WIPI1: variants seen among roughly 807,000 people sequenced by gnomAD.
The protein encoded by WIPI1 is WD repeat domain, phosphoinositide interacting 1, also known as WD repeat domain phosphoinositide-interacting protein 1.
A neutral mutation model predicts 55.3 loss-of-function variants in WIPI1; 45 were observed. The ratio of observed to expected loss-of-function variants is 0.81; its 90% confidence interval spans 0.64 to 1.04. The LOEUF is 1.04. Ranked by LOEUF, WIPI1 falls within the 50% of genes least tolerant of loss-of-function variation. WIPI1 has a pLI of 0.00. For synonymous variants in WIPI1, 195 were observed against 217.6 expected (o/e 0.90, Z 0.92); for missense variants, 445 against 559.0 (o/e 0.80, Z 2.06).
At chr17:68,430,198 G>A (rs541056737) in intron 8 of WIPI1, 38 bp from the exon 9 acceptor site, 2 of 1,577,002 alleles carry the variant, frequency 1.3e-6, no homozygotes, top group South Asian at 1.2e-5. Context: ...GGACTGGGCT[G>A]CAGGCCCCAC....
At chr17:68,439,035 G>A (rs533141233) in intron 4 of WIPI1, among the ~76,000 whole-genome samples, 1 of 152,322 alleles carries the variant, frequency 6.6e-6, no homozygotes, top group East Asian at 1.9e-4. Context: ...ATGCACCGCT[G>A]GTGGGAATGT....
At chr17:68,450,593 C>T in intron 3 of WIPI1, 135 bp downstream of exon 3, 1 of 1,194,494 alleles carries the variant, frequency 8.4e-7, no homozygotes, top group Non-Finnish European at 1.2e-6. Context: ...ACCCCCGGGA[C>T]ACGGGGCCTG....
At position 68,450,291 on chromosome 17, in the gene WIPI1, C is replaced by A. The variant is rs142859411; in HGVS notation, c.333+437G>T. Among the ~76,000 whole-genome samples, 315 of 152,324 alleles carry A rather than the reference C, an allele frequency of 2.1e-3. 12 individuals are homozygous for A. In the East Asian group the frequency reaches 0.05, roughly 24 times the overall value. On this transcript the variant is annotated intron_variant, in intron 3 of 12. Coordinates refer to ENST00000262139, the MANE Select transcript of WIPI1 (RefSeq NM_017983.7). ...AGGGCAGCTTTCCTGACCCAGGGAG[C>A]CCCCACTTCACTCTCAGGCATCTCC...
At chr17:68,424,002 C>T (rs967081720) in intron 12 of WIPI1, among the ~76,000 whole-genome samples, 5 of 152,156 alleles carry the variant, frequency 3.3e-5, no homozygotes, top group Middle Eastern at 3.2e-3. Context: ...TTTGTCCCCA[C>T]GGTGTCTGAC....
intron 8 of WIPI1, among the ~76,000 whole-genome samples, chr17:68,431,046 G>A (rs139666185): frequency 1.9e-4 from 29 of 152,172 alleles, no homozygotes; most frequent in Admixed American, 3.3e-4. Context: ...TCTGTGATCC[G>A]AAGCATCCTG....
intron 4 of WIPI1, among the ~76,000 whole-genome samples, chr17:68,438,765 T>C (rs1401276531): frequency 3.9e-5 from 6 of 152,190 alleles, no homozygotes; most frequent in Non-Finnish European, 1.5e-5. Context: ...CACGCCCAGC[T>C]AATTTTTGTA....
chr17:68,433,772 T>TGTTG (rs2083638702), intron 7 of WIPI1, among the ~76,000 whole-genome samples, 197 bp from the exon 8 acceptor site: 1 of 20,022 alleles, frequency 5.0e-5, no homozygotes, highest in African/African-American at 1.3e-4. Flanking sequence ...TTTTTTTTTT[T>TGTTG]TTTTTTTTTT....
intron 12 of WIPI1, among the ~76,000 whole-genome samples, chr17:68,424,938 G>A (rs1324925452): frequency 6.6e-6 from 1 of 152,228 alleles, no homozygotes; most frequent in African/African-American, 2.4e-5. Flanking sequence ...GACTATCTGG[G>A]ATGTTTTGAC....
intron 6 of WIPI1, 84 bp downstream of exon 6, chr17:68,435,536 C>A: frequency 7.5e-7 from 1 of 1,335,578 alleles, no homozygotes; most frequent in Non-Finnish European, 1.1e-6. Flanking sequence ...CTTCATGTCA[C>A]CAGGTTTGTT....
At chr17:68,424,088 C>G (rs2082985836) in intron 12 of WIPI1, among the ~76,000 whole-genome samples, 1 of 152,130 alleles carries the variant, frequency 6.6e-6, no homozygotes, top group Non-Finnish European at 1.5e-5. Context: ...GAAGAACGCC[C>G]TTTAAGGCCA....
intron 7 of WIPI1, among the ~76,000 whole-genome samples, 197 bp from the exon 8 acceptor site, chr17:68,433,772 T>G (rs1011135471): frequency 2.6e-3 from 52 of 20,024 alleles, no homozygotes; most frequent in African/African-American, 5.8e-3. Flanking sequence ...TTTTTTTTTT[T>G]TTTTTTTTTT....
chr17:68,423,761 G>T lies in WIPI1; in HGVS notation c.1294-1941C>A, dbSNP rs2082961633. ...CCTTTTTACCCCAAATAAATGATCT[G>T]CACAAGGTACCTATTATTTTATACA... On this transcript the variant is annotated intron_variant, in intron 12 of 12. Coordinates refer to ENST00000262139, the MANE Select transcript of WIPI1 (RefSeq NM_017983.7). This position sits in a 1 kb window ranked among gnomAD's most constrained non-coding sequence, Gnocchi z 4.4. 6.6e-6 allele frequency among the ~76,000 whole-genome samples: 1 copy of T among 152,026 alleles called. No individual in the cohort carries two copies. The highest frequency in any genetic ancestry group is 6.6e-5 in the Admixed American group (1 of 15,262).
chr17:68,432,844 T>G (rs1444753747), intron 8 of WIPI1, among the ~76,000 whole-genome samples: 1 of 152,168 alleles, frequency 6.6e-6, no homozygotes, highest in Non-Finnish European at 1.5e-5. Context: ...GGCTGCTCCT[T>G]TCTCACTCCT....
At chr17:68,422,998 G>A (rs1407422548) in intron 12 of WIPI1, among the ~76,000 whole-genome samples, 1 of 152,188 alleles carries the variant, frequency 6.6e-6, no homozygotes, top group Non-Finnish European at 1.5e-5. Context: ...GGAAGTGTCA[G>A]TATGTGTTCT....
rs1403612729 is a variant in WIPI1, at chr17:68,430,057, T to C, written c.904A>G (p.Arg302Gly). The C allele has an allele frequency of 6.2e-7, 1 of 1,614,214 alleles. No individual in the cohort carries two copies. The highest frequency in any genetic ancestry group is 1.7e-5 in the Admixed American group (1 of 60,006). ...TQVSDMMHQD[R>G]AFATARLNFS... ...TTCAAGCGTGCAGTGGCAAAAGCCC[T>C]GTCCTGATGCATCATGTCTGACACC... Residue 302 changes from arginine (R) to glycine (G), a missense_variant, in exon 9 of 13, where the codon AGG becomes GGG. Coordinates refer to ENST00000262139, the MANE Select transcript of WIPI1 (RefSeq NM_017983.7).
Position 68,430,158 on chromosome 17 carries a change from C to T in WIPI1, c.803G>A (p.Arg268Gln), listed in dbSNP as rs748329888. 11 of 1,611,852 alleles carry T rather than the reference C, an allele frequency of 6.8e-6. No homozygotes were observed. The highest frequency in any genetic ancestry group is 6.6e-5 in the South Asian group (6 of 90,870). The change falls in exon 9 of 13, where the codon CGA (arginine) becomes CAA (glutamine). Residue 268 changes from arginine (R) to glutamine (Q), a missense_variant and splice_region_variant. By Grantham distance (43) the Arg-to-Gln change is conservative (BLOSUM62 1). Coordinates refer to ENST00000262139, the MANE Select transcript of WIPI1 (RefSeq NM_017983.7). ...IFKLEQVTNS[R>Q]PEEPSTWSGY... ...ACTCCAGGTCGAAGGCTCTTCTGGT[C>T]GACTAGGGAGTAATGCACAGGCAAC... is the stretch of plus-strand genomic sequence containing the variant.
Position 68,436,442 on chromosome 17 carries a change from G to A in WIPI1, c.468C>T (p.Tyr156=), listed in dbSNP as rs1218288808. 6.2e-7 allele frequency: 1 copy of A among 1,613,940 alleles called. No homozygotes were observed. Among genetic ancestry groups the A allele is most frequent in the Non-Finnish European group, 8.5e-7 (1 of 1,179,984 alleles). ...AAGTCAGGCTTCCAGGATAGGCCAG[G>A]TAAGAATTGGAATGGTTGATAGAGA... ...CALSINHSNS[Y]LAYPGSLTSG... is the part of the protein sequence containing the mutation. The change falls in exon 5 of 13, where the codon TAC becomes TAT. Residue 156 remains tyrosine (Y), a synonymous_variant. Transcript: ENST00000262139.
chr17:68,439,714 G>A (rs1230475639), intron 4 of WIPI1, among the ~76,000 whole-genome samples: 2 of 152,358 alleles, frequency 1.3e-5, no homozygotes, highest in South Asian at 4.1e-4. Context: ...GAGGACATGA[G>A]TTCAAGACTG....
intron 1 of WIPI1, among the ~76,000 whole-genome samples, chr17:68,454,024 T>C (rs917653194): frequency 2.0e-5 from 3 of 152,100 alleles, no homozygotes; most frequent in Non-Finnish European, 4.4e-5. Flanking sequence ...ACAAACAAAA[T>C]ACAAACTAAA....
Sources: gnomAD v4.1 joint callset for allele counts (sites outside exome capture counted in the v4.1 genomes callset) on GRCh38, gnomAD v4.1.1 for gene constraint, Gnocchi (gnomAD v3.1) non-coding constraint, MANE v1.5 for transcripts, NCBI Gene and HGNC (gene_info 2026-07-23, HGNC 2026-07-21) for gene names.